SYCP3: variants seen among roughly 807,000 people sequenced by gnomAD.
The protein encoded by SYCP3 is synaptonemal complex protein 3.
Under a neutral mutation model 38.5 loss-of-function variants are expected in SYCP3, and 29 were observed. That is an observed-to-expected ratio of 0.75 (90% confidence interval 0.56 to 1.03). SYCP3 has a LOEUF of 1.03. Ranked by LOEUF, SYCP3 falls within the 50% of genes least tolerant of loss-of-function variation. The pLI is 0.00. For missense variants in SYCP3, 242 were observed against 270.7 expected, an observed-to-expected ratio of 0.89 and a Z score of 0.74; for synonymous variants, 79 against 80.3, an observed-to-expected ratio of 0.98 and a Z score of 0.08.
chr12:101,735,867 A>T (rs1486933846), intron 4 of SYCP3, among the ~76,000 whole-genome samples: 20 of 63,092 alleles, frequency 3.2e-4, no homozygotes, highest in East Asian at 2.0e-3. Context: ...ATATATATAT[A>T]TATATTTTTT....
At chr12:101,735,871 A>ATATATATATATATATATATATATATATT in intron 4 of SYCP3, among the ~76,000 whole-genome samples, 2 of 74,740 alleles carry the variant, frequency 2.7e-5, no homozygotes, top group Admixed American at 1.3e-4. Context: ...ATATATATAT[A>ATATATATATATATATATATATATATATT]TTTTTTTTTT....
At chr12:101,736,057 G>GAA (rs1177176941) in intron 4 of SYCP3, among the ~76,000 whole-genome samples, 1 of 150,162 alleles carries the variant, frequency 6.7e-6, no homozygotes, top group Non-Finnish European at 1.5e-5. Flanking sequence ...ACCAAGGACA[G>GAA]AAAAAAATCT....
In SYCP3 at chr12:101,737,055, T is replaced by G. The variant is rs756542047; in HGVS notation, c.217A>C (p.Met73Leu). ...AACCTACCTCCAACTCCTTCCAGCA[T>G]ATTCTGCACTTCACCCCTGGAAAGA... ...VEDMGGEVQN[M>L]LEGVGVDINK... is the part of the protein sequence containing the mutation. Residue 73 changes from methionine to leucine, a missense_variant, in exon 4 of 9, where the codon ATG (methionine) becomes CTG (leucine). Met to Leu is a conservative substitution (Grantham distance 15, BLOSUM62 2). Coordinates refer to ENST00000392924, the MANE Select transcript of SYCP3 (RefSeq NM_001177949.2). 1 of 1,613,918 alleles carries G rather than the reference T, an allele frequency of 6.2e-7. No homozygotes were observed. Among genetic ancestry groups the G allele is most frequent in the Admixed American group, 1.7e-5 (1 of 60,022 alleles).
At chr12:101,735,830 C>A in intron 4 of SYCP3, among the ~76,000 whole-genome samples, 1 of 127,178 alleles carries the variant, frequency 7.9e-6, no homozygotes, top group African/African-American at 3.1e-5. Context: ...AAGAAGAAAA[C>A]TATTTTTAAT....
chr12:101,733,614 T>C lies in SYCP3; in HGVS notation c.414A>G (p.Leu138=). The part of the protein sequence containing the change: ...QFLTLFQQWD[L]DMQKAEEQEE... ...CTTGTTCCTCAGCTTTCTGCATATC[T>C]AAATCCCACTGCTGAAACAAAGTCA... is the stretch of plus-strand genomic sequence containing the variant. Residue 138 remains leucine (L), a synonymous_variant, in exon 6 of 9, where the codon TTA becomes TTG. Transcript: ENST00000392924. The C allele has an allele frequency of 6.2e-7, 1 of 1,612,654 alleles. No individual in the cohort carries two copies. The highest frequency in any genetic ancestry group is 8.5e-7 in the Non-Finnish European group (1 of 1,179,994).
intron 6 of SYCP3, chr12:101,731,950 G>T: frequency 3.8e-6 from 1 of 265,012 alleles, no homozygotes; most frequent in Non-Finnish European, 7.2e-6. Context: ...CAATAATAAT[G>T]GTTTTCCGTT....
intron 4 of SYCP3, 89 bp downstream of exon 4, chr12:101,736,948 T>C: frequency 1.6e-6 from 2 of 1,224,064 alleles, no homozygotes; most frequent in Non-Finnish European, 2.4e-6. Flanking sequence ...TAAATAACAG[T>C]CTTATAGTCC....
Position 101,731,940 on chromosome 12 carries a change from CAAT to C in SYCP3, c.454-277_454-275del. The C allele has an allele frequency of 1.4e-5, 4 of 288,646 alleles. No individual in the cohort carries two copies. The South Asian group carries it at 1.8e-4, about 13-fold the overall frequency. The allele number at this position is 288,646 out of a possible 1,614,324, so 17.9% of individuals were successfully genotyped here. ...TCAATGTCCACACAGATGATCCTTC[CAAT>C]AATAATGGTTTTCCGTTTCGTGACC... On this transcript the variant is annotated intron_variant, in intron 6 of 8. Transcript: ENST00000392924.
chr12:101,734,860 T>G (rs1952341363), intron 5 of SYCP3, 67 bp downstream of exon 5: 5 of 1,120,946 alleles, frequency 4.5e-6, no homozygotes, highest in Non-Finnish European at 5.4e-6. Flanking sequence ...GAATAGTATT[T>G]TTCATAAGTA....
At chr12:101,735,819 A>G (rs1442069564) in intron 4 of SYCP3, among the ~76,000 whole-genome samples, 1 of 143,758 alleles carries the variant, frequency 7.0e-6, no homozygotes, top group Non-Finnish European at 1.5e-5. Context: ...AAAAATAGTT[A>G]AAGAAGAAAA....
intron 4 of SYCP3, among the ~76,000 whole-genome samples, chr12:101,735,871 A>ATATATATTTTTTTTTTT: frequency 4.0e-5 from 3 of 74,790 alleles, no homozygotes; most frequent in African/African-American, 1.9e-4. Flanking sequence ...ATATATATAT[A>ATATATATTTTTTTTTTT]TTTTTTTTTT....
Position 101,734,968 on chromosome 12 carries a change from G to A in SYCP3, c.312C>T (p.Asn104=), listed in dbSNP as rs1952346387. The A allele has an allele frequency of 6.2e-7, 1 of 1,613,468 alleles. No homozygotes were observed. Among genetic ancestry groups the A allele is most frequent in the Non-Finnish European group, 8.5e-7 (1 of 1,179,716 alleles). ...MYTKASLKTS[N]QKIEHVWKTQ... Reference sequence around the variant, plus strand: ...TTTTCCAAACATGTTCAATTTTCTGGTTACTAGTTTTGAGAGAAGCCTTGG... The same window carrying A: ...TTTTCCAAACATGTTCAATTTTCTGATTACTAGTTTTGAGAGAAGCCTTGG... Residue 104 remains asparagine (N), a synonymous_variant, in exon 5 of 9, where the codon AAC becomes AAT. Coordinates refer to ENST00000392924, the MANE Select transcript of SYCP3 (RefSeq NM_001177949.2).
intron 4 of SYCP3, among the ~76,000 whole-genome samples, chr12:101,736,452 ATAAC>A (rs1269697542): frequency 6.6e-6 from 1 of 152,164 alleles, no homozygotes; most frequent in Non-Finnish European, 1.5e-5. Flanking sequence ...CTTTTTTAAG[ATAAC>A]TAATCTCTAA....
intron 4 of SYCP3, among the ~76,000 whole-genome samples, chr12:101,735,871 A>ATATATATATATTTTTTTTTTTTTTTTT: frequency 1.2e-4 from 9 of 74,744 alleles, no homozygotes; most frequent in Non-Finnish European, 1.8e-4. Context: ...ATATATATAT[A>ATATATATATATTTTTTTTTTTTTTTTT]TTTTTTTTTT....
intron 7 of SYCP3, chr12:101,730,645 C>T: frequency 3.4e-6 from 1 of 297,686 alleles, no homozygotes; most frequent in Non-Finnish European, 6.5e-6. Flanking sequence ...AGGTGAGTGC[C>T]ACCATGCCCA....
chr12:101,736,267 T>C (rs1374823652), intron 4 of SYCP3, among the ~76,000 whole-genome samples: 1 of 152,150 alleles, frequency 6.6e-6, no homozygotes, highest in Non-Finnish European at 1.5e-5. Flanking sequence ...CTACCATAAA[T>C]AGGTATCTTT....
chr12:101,734,018 A>G (rs1952294662), intron 5 of SYCP3, among the ~76,000 whole-genome samples: 1 of 152,196 alleles, frequency 6.6e-6, no homozygotes, highest in Admixed American at 6.5e-5. Flanking sequence ...TAACAAATAC[A>G]TTAAATAAGG....
In SYCP3 at chr12:101,739,334, G is replaced by A. The variant is rs1041981111; in HGVS notation, c.-18+17C>T. On this transcript the variant is annotated intron_variant, in intron 1 of 8. Transcript: ENST00000392924. The stretch of plus-strand genomic sequence containing the variant: ...GCCTGGACACCTGCGATAGACAGAC[G>A]CCTCCCCTGCTCACACCTGAAACAC... The A allele has an allele frequency of 3.0e-6, 3 of 1,002,696 alleles. No individual in the cohort carries two copies. Among genetic ancestry groups the A allele is most frequent in the Non-Finnish European group, 3.6e-6 (3 of 830,380 alleles). The allele number at this position is 1,002,696 out of a possible 1,614,324, so 62.1% of individuals were successfully genotyped here.
chr12:101,730,802 T>G lies in SYCP3; in HGVS notation c.552+766A>C, dbSNP rs187695294. ...GCTCGGCCATATATATTAAAGTTAT[T>G]CTGAAATATTTATTTTAAAACAATT... is the stretch of plus-strand genomic sequence containing the variant. On this transcript the variant is annotated intron_variant, in intron 7 of 8. Coordinates refer to ENST00000392924, the MANE Select transcript of SYCP3 (RefSeq NM_001177949.2). Among the ~76,000 whole-genome samples, 545 of 152,288 alleles carry G rather than the reference T, an allele frequency of 3.6e-3. 3 individuals carry two copies. Among genetic ancestry groups the G allele is most frequent in the African/African-American group, 0.012 (514 of 41,550 alleles).
Sources: gnomAD v4.1 joint callset for allele counts (sites outside exome capture counted in the v4.1 genomes callset) on GRCh38, gnomAD v4.1.1 for gene constraint, MANE v1.5 for transcripts, NCBI Gene and HGNC (gene_info 2026-07-23, HGNC 2026-07-21) for gene names.